POU6F2: variants seen among roughly 807,000 people sequenced by gnomAD.
The protein encoded by POU6F2 is POU class 6 homeobox 2.
A neutral mutation model predicts 71.3 loss-of-function variants in POU6F2; 31 were observed. The ratio of observed to expected loss-of-function variants is 0.43; its 90% CI spans 0.33 to 0.59. The LOEUF (loss-of-function observed/expected upper bound fraction) is 0.59. Among genes scored for constraint, POU6F2 ranks in the 20% least tolerant of loss-of-function variants. The probability of loss-of-function intolerance (pLI) is 0.04; values close to 1 mark genes in which losing one functional copy is unlikely to be tolerated. For synonymous variants in POU6F2, 347 were observed against 355.7 expected (o/e 0.98, Z 0.27); for missense variants, 783 against 856.8 (o/e 0.91, Z 1.07).
intron 4 of POU6F2, among the ~76,000 whole-genome samples, chr7:39,285,267 ACT>A (rs1304351630): frequency 6.6e-6 from 1 of 151,932 alleles, no homozygotes; most frequent in African/African-American, 2.4e-5. Flanking sequence ...CCCACTGAAA[ACT>A]CTGATGCCAT....
chr7:39,421,186 G>A (rs1252342023), intron 6 of POU6F2, among the ~76,000 whole-genome samples: 1 of 151,984 alleles, frequency 6.6e-6, no homozygotes, highest in Non-Finnish European at 1.5e-5. Context: ...ATGAGTTACG[G>A]TCTTTGTTGT....
At chr7:39,146,557 T>C (rs191884318) in intron 2 of POU6F2, among the ~76,000 whole-genome samples, 147 of 152,288 alleles carry the variant, frequency 9.7e-4, no homozygotes, top group African/African-American at 3.3e-3. Flanking sequence ...ATAGCCACGT[T>C]TGATAGCTGG....
intron 2 of POU6F2, among the ~76,000 whole-genome samples, chr7:39,090,747 A>G (rs1791347731): frequency 6.6e-6 from 1 of 152,180 alleles, no homozygotes; most frequent in African/African-American, 2.4e-5. Flanking sequence ...TCACCAAAGA[A>G]AGTTTTGCTA....
At chr7:39,440,943 C>A (rs1012539775) in intron 7 of POU6F2, among the ~76,000 whole-genome samples, 7 of 151,802 alleles carry the variant, frequency 4.6e-5, no homozygotes, top group Non-Finnish European at 7.4e-5. Flanking sequence ...ATGGTCAAGT[C>A]CCTCTTCTGT....
In POU6F2 at chr7:39,373,835, A is replaced by G. The variant is rs187067583; in HGVS notation, c.973-32765A>G. On this transcript the variant is annotated intron_variant, in intron 5 of 9. Transcript: ENST00000518318. ...CCCATACTCTTTGTAAATATAGGCA[A>G]CTTTTCATAGATCTTAACTCTTAAT... 20 of 169,154 alleles carry G rather than the reference A, an allele frequency of 1.2e-4. No homozygotes were observed. In the East Asian group the frequency reaches 2.8e-3, roughly 24 times the overall value. The allele number at this position is 169,154 out of a possible 1,614,324, so 10.5% of individuals were successfully genotyped here.
chr7:39,386,238 C>T (rs1273173361), intron 5 of POU6F2, among the ~76,000 whole-genome samples: 1 of 152,168 alleles, frequency 6.6e-6, no homozygotes, highest in Non-Finnish European at 1.5e-5. Context: ...TCTCTCTGCT[C>T]ACTCCAGCTG....
intron 1 of POU6F2, 54 bp from the exon 2 acceptor site, chr7:39,085,806 C>A: frequency 1.3e-6 from 2 of 1,579,326 alleles, no homozygotes; most frequent in Non-Finnish European, 1.7e-6. Flanking sequence ...AGGACACGCA[C>A]TCTAAATCTG....
chr7:39,198,761 T>A (rs1351273857), intron 2 of POU6F2, among the ~76,000 whole-genome samples: 1 of 152,140 alleles, frequency 6.6e-6, no homozygotes, highest in Non-Finnish European at 1.5e-5. Flanking sequence ...TAACTGGCAA[T>A]AAAAAGTGGC....
intron 4 of POU6F2, among the ~76,000 whole-genome samples, chr7:39,338,395 G>T (rs984985765): frequency 6.6e-6 from 1 of 152,154 alleles, no homozygotes; most frequent in African/African-American, 2.4e-5. Flanking sequence ...CTATCTCTAC[G>T]ATTACATCAC....
intron 4 of POU6F2, among the ~76,000 whole-genome samples, chr7:39,278,140 G>C (rs1163845958): frequency 6.6e-6 from 1 of 151,626 alleles, no homozygotes; most frequent in Non-Finnish European, 1.5e-5. Flanking sequence ...ATCAAATGGT[G>C]GGGGACGTAG....
At chr7:39,038,407 T>C (rs1790111572) in intron 1 of POU6F2, among the ~76,000 whole-genome samples, 1 of 152,060 alleles carries the variant, frequency 6.6e-6, no homozygotes. Flanking sequence ...AAATGGTAAA[T>C]TTATTTTGCC....
chr7:39,080,270 TAAAAG>T (rs900014986), intron 1 of POU6F2, among the ~76,000 whole-genome samples: 6 of 152,198 alleles, frequency 3.9e-5, no homozygotes, highest in African/African-American at 9.6e-5. Flanking sequence ...TGGTAATTAA[TAAAAG>T]AAAGTTTGTT....
chr7:39,368,913 T>G (rs895053076), intron 5 of POU6F2, among the ~76,000 whole-genome samples: 27 of 152,032 alleles, frequency 1.8e-4, no homozygotes, highest in African/African-American at 6.0e-4. Flanking sequence ...CTTTGTGGGG[T>G]TCAAGACTTC....
At chr7:39,177,426 C>G (rs1318298299) in intron 2 of POU6F2, among the ~76,000 whole-genome samples, 1 of 152,156 alleles carries the variant, frequency 6.6e-6, no homozygotes, top group Non-Finnish European at 1.5e-5. Context: ...GGAGTGGAAG[C>G]TCAAACGCAC....
intron 1 of POU6F2, among the ~76,000 whole-genome samples, chr7:39,082,784 A>G (rs941672548): frequency 7.2e-6 from 1 of 138,512 alleles, no homozygotes; most frequent in Non-Finnish European, 1.5e-5. Context: ...TTGCTGTTTA[A>G]CCATGTCATG....
chr7:39,385,104 T>C (rs970198076), intron 5 of POU6F2, among the ~76,000 whole-genome samples: 10 of 152,120 alleles, frequency 6.6e-5, no homozygotes, highest in African/African-American at 2.4e-4. Context: ...AACACCAAAA[T>C]CCATGCAGAG....
chr7:39,451,996 T>C (rs879857527), intron 8 of POU6F2, among the ~76,000 whole-genome samples: 6 of 152,190 alleles, frequency 3.9e-5, no homozygotes, highest in Non-Finnish European at 7.3e-5. Flanking sequence ...CTTCAGAAGG[T>C]AGCAACTGAT....
At chr7:39,065,343 A>G (rs997800598) in intron 1 of POU6F2, among the ~76,000 whole-genome samples, 36 of 151,966 alleles carry the variant, frequency 2.4e-4, no homozygotes, top group African/African-American at 8.4e-4. Flanking sequence ...TTTTAAAAGT[A>G]TTAAAACATG....
At chr7:39,359,035 G>T (rs1292517941) in intron 5 of POU6F2, among the ~76,000 whole-genome samples, 1 of 152,138 alleles carries the variant, frequency 6.6e-6, no homozygotes, top group Non-Finnish European at 1.5e-5. Context: ...ATTCGCTTCT[G>T]TTTCCTTCAT....
Sources: allele counts gnomAD v4.1 joint callset (sites outside exome capture counted in the v4.1 genomes callset), GRCh38; gene constraint gnomAD v4.1.1; transcripts MANE v1.5; gene names NCBI Gene and HGNC (gene_info 2026-07-23, HGNC 2026-07-21).